The following EBF1 variants were observed in gnomAD, a reference collection of about 807,000 sequenced individuals.
The protein encoded by EBF1 is transcription factor COE1.
Under a neutral mutation model 68.4 loss-of-function variants are expected in EBF1, and 10 were observed. The observed-to-expected ratio is 0.15, with a 90% CI of 0.09 to 0.25. The LOEUF (loss-of-function observed/expected upper bound fraction) is 0.25. Ranked by LOEUF, EBF1 falls within the 10% of genes least tolerant of loss-of-function variation. The pLI is 1.00. For missense variants in EBF1, 509 were observed against 794.4 expected (o/e 0.64, Z 4.32); for synonymous variants, 298 against 299.8 (o/e 0.99, Z 0.06).
intron 6 of EBF1, among the ~76,000 whole-genome samples, chr5:158,844,736 T>C (rs1027553422): frequency 6.6e-6 from 1 of 152,238 alleles, no homozygotes; most frequent in East Asian, 1.9e-4. Flanking sequence ...TTTAGTCTAC[T>C]ACCTCAAATG....
chr5:158,983,330 T>A (rs1046129008), intron 6 of EBF1: 1 of 152,248 alleles, frequency 6.6e-6, no homozygotes, highest in Non-Finnish European at 1.5e-5. Context: ...ATTCACTTAT[T>A]AAGTTCTCTG....
intron 6 of EBF1, among the ~76,000 whole-genome samples, chr5:158,885,881 T>C (rs1288796736): frequency 6.6e-6 from 1 of 152,220 alleles, no homozygotes; most frequent in Non-Finnish European, 1.5e-5. Flanking sequence ...TCAGAAAATA[T>C]GTGATCAAAT....
At chr5:158,890,091 TA>T (rs1800877087) in intron 6 of EBF1, among the ~76,000 whole-genome samples, 1 of 152,162 alleles carries the variant, frequency 6.6e-6, no homozygotes, top group Admixed American at 6.5e-5. Flanking sequence ...GAAGGACAAC[TA>T]TAATAATATC....
chr5:158,920,139 C>A lies in EBF1; in HGVS notation c.555-80029G>T, dbSNP rs369387267. ...AGAAAGATGTATTCCAAAAAAGGTG[C>A]TCATTATATACATATGTGTGTGTGT... is the stretch of plus-strand genomic sequence containing the variant. On this transcript the variant is annotated intron_variant, in intron 6 of 15. Transcript: ENST00000313708. Among the ~76,000 whole-genome samples, 5 of 151,952 alleles carry A rather than the reference C, an allele frequency of 3.3e-5. No homozygotes were observed. In the South Asian group the frequency reaches 6.2e-4, roughly 19 times the overall value.
chr5:158,777,356 G>T, intron 10 of EBF1, 57 bp downstream of exon 10: 1 of 1,490,122 alleles, frequency 6.7e-7, no homozygotes, highest in Non-Finnish European at 9.0e-7. Flanking sequence ...CAAGATAAGG[G>T]GAAAGACCCC....
At chr5:158,785,941 C>T (rs1054290465) in intron 9 of EBF1, among the ~76,000 whole-genome samples, 41 of 152,110 alleles carry the variant, frequency 2.7e-4, no homozygotes, top group African/African-American at 9.4e-4. Flanking sequence ...TGACCTTGGC[C>T]TTCTTTGTTT....
intron 6 of EBF1, among the ~76,000 whole-genome samples, chr5:158,907,252 A>G (rs1583061175): frequency 6.6e-6 from 1 of 152,230 alleles, no homozygotes; most frequent in African/African-American, 2.4e-5. Flanking sequence ...AGTATTGTGC[A>G]CAGCAATACC....
chr5:158,823,595 T>G (rs551026453), intron 7 of EBF1, among the ~76,000 whole-genome samples: 1 of 152,238 alleles, frequency 6.6e-6, no homozygotes, highest in South Asian at 2.1e-4. Flanking sequence ...AGAGGATCTT[T>G]ATTAGCATAT....
chr5:158,709,624 TCCAAGGCACTAC>T (rs1758715947), intron 14 of EBF1, among the ~76,000 whole-genome samples: 1 of 152,184 alleles, frequency 6.6e-6, no homozygotes, highest in African/African-American at 2.4e-5. Flanking sequence ...TTCTAATCAG[TCCAAGGCACTAC>T]CCAATCCACA....
intron 6 of EBF1, among the ~76,000 whole-genome samples, chr5:158,891,796 T>G (rs1801233733): frequency 6.6e-6 from 1 of 152,238 alleles, no homozygotes; most frequent in Non-Finnish European, 1.5e-5. Flanking sequence ...TCTATAGTTT[T>G]CCAGTTCCTA....
At chr5:158,877,222 G>A (rs1282480878) in intron 6 of EBF1, among the ~76,000 whole-genome samples, 3 of 152,152 alleles carry the variant, frequency 2.0e-5, no homozygotes, top group Admixed American at 1.3e-4. Context: ...GCCACTCTCT[G>A]GACTCTTGCC....
intron 6 of EBF1, among the ~76,000 whole-genome samples, chr5:158,954,219 G>A (rs1265819116): frequency 6.6e-6 from 1 of 151,524 alleles, no homozygotes; most frequent in Non-Finnish European, 1.5e-5. Context: ...CGTGGAGGTT[G>A]TAAACTGAAG....
At chr5:158,950,712 C>G (rs937114301) in intron 6 of EBF1, among the ~76,000 whole-genome samples, 3 of 152,220 alleles carry the variant, frequency 2.0e-5, no homozygotes, top group African/African-American at 7.2e-5. Context: ...CGGGAACCAT[C>G]TGAAATCTCA....
chr5:158,917,697 C>A (rs1370952059), intron 6 of EBF1, among the ~76,000 whole-genome samples: 2 of 152,156 alleles, frequency 1.3e-5, no homozygotes, highest in Non-Finnish European at 2.9e-5. Context: ...ATTATAAAGA[C>A]AAATATGGAG....
chr5:159,041,988 G>A (rs1183418579), intron 6 of EBF1, among the ~76,000 whole-genome samples: 1 of 152,204 alleles, frequency 6.6e-6, no homozygotes, highest in Non-Finnish European at 1.5e-5. Context: ...AAAAATTAGA[G>A]AGAGTGTCAC....
At chr5:159,098,731 A>G (rs1428382891) in intron 1 of EBF1, among the ~76,000 whole-genome samples, 1 of 149,234 alleles carries the variant, frequency 6.7e-6, no homozygotes, top group East Asian at 2.1e-4. Flanking sequence ...AGAACGAAGA[A>G]CGAAAGAAAT....
At chr5:158,813,152 T>C (rs1309096163) in intron 8 of EBF1, among the ~76,000 whole-genome samples, 2 of 152,222 alleles carry the variant, frequency 1.3e-5, no homozygotes, top group Non-Finnish European at 2.9e-5. Context: ...ATTTAGCTGC[T>C]ATGTTTGTTT....
At chr5:158,971,281 T>C (rs1755596988) in intron 6 of EBF1, among the ~76,000 whole-genome samples, 3 of 152,312 alleles carry the variant, frequency 2.0e-5, no homozygotes, top group South Asian at 2.1e-4. Flanking sequence ...CTGATTTCCA[T>C]GGGTCTCGGA....
rs757614521 is a variant in EBF1, at chr5:159,095,665, C to G, written c.366G>C (p.Thr122=). 1.2e-6 allele frequency: 2 copies of G among 1,614,016 alleles called. No individual in the cohort carries two copies. The highest frequency in any genetic ancestry group is 1.7e-6 in the Non-Finnish European group (2 of 1,179,948). ...TGAGGCGCACGTAGAAATCCTGCTC[C>G]GTCCTTATCCCTAGGGTTGGAAATG... ...LQLLYSNGIR[T]EQDFYVRLID... is the part of the protein sequence containing the mutation. Residue 122 remains threonine (T), a synonymous_variant, in exon 4 of 16, where the codon ACG becomes ACC. Coordinates refer to ENST00000313708, the MANE Select transcript of EBF1 (RefSeq NM_024007.5).
Sources: allele counts gnomAD v4.1 joint callset (sites outside exome capture counted in the v4.1 genomes callset), GRCh38; gene constraint gnomAD v4.1.1; transcripts MANE v1.5; gene names NCBI Gene and HGNC (gene_info 2026-07-23, HGNC 2026-07-21).